FCRLB: variants seen among roughly 807,000 people sequenced by gnomAD.
FCRLB encodes Fc receptor-like B.
In FCRLB, 34 loss-of-function variants were observed where a neutral mutation model predicts 33.6. The observed-to-expected ratio is 1.01, with a 90% confidence interval of 0.77 to 1.35. The LOEUF is 1.35. FCRLB is among the 40% of genes most tolerant of loss of function. The pLI is 0.00. For missense variants in FCRLB, 560 were observed against 580.2 expected, an observed-to-expected ratio of 0.97 and a Z score of 0.36; for synonymous variants, 280 against 255.9, an observed-to-expected ratio of 1.09 and a Z score of -0.90.
In FCRLB at chr1:161,722,714, A is replaced by G. The variant is rs1327051640; in HGVS notation, c.31+11A>G. On this transcript the variant is annotated intron_variant, in intron 3 of 7. Transcript: ENST00000367948. ...CCCTTCTGCTCCTGGGTGAGTCCACAGTGAGGCAGCAGAAGAGCTTTGGGT... is the reference window on the plus strand; with the variant it reads ...CCCTTCTGCTCCTGGGTGAGTCCACGGTGAGGCAGCAGAAGAGCTTTGGGT... 6.2e-7 allele frequency: 1 copy of G among 1,613,900 alleles called. No homozygotes were observed.
chr1:161,722,536 G>A, intron 2 of FCRLB, 117 bp from the exon 3 acceptor site: 1 of 956,912 alleles, frequency 1.0e-6, no homozygotes, highest in Non-Finnish European at 1.6e-6. Context: ...GCTATCTTCA[G>A]GAACTAGGAG....
At chr1:161,722,513 C>A in intron 2 of FCRLB, 140 bp from the exon 3 acceptor site, 1 of 772,136 alleles carries the variant, frequency 1.3e-6, no homozygotes, top group Non-Finnish European at 2.2e-6. Context: ...CTGTCTCCCA[C>A]TGGTTCTGGT....
chr1:161,726,738 C>A lies in FCRLB; in HGVS notation c.610C>A (p.Pro204Thr). The A allele has an allele frequency of 6.3e-7, 1 of 1,594,250 alleles. No individual in the cohort carries two copies. Among genetic ancestry groups the A allele is most frequent in the Non-Finnish European group, 8.5e-7 (1 of 1,174,420 alleles). ...GGCGCCGGTGCTGAGGGTGATGGGT[C>A]CGCGGGAGGCCCGCGGCGCGGCGCT... The change falls in exon 7 of 8, where the codon CCG (proline) becomes ACG (threonine). Residue 204 changes from proline (P) to threonine (T), a missense_variant. Physicochemically the swap from Pro to Thr is conservative, Grantham distance 38. Transcript: ENST00000367948. This position sits in a 1 kb window ranked among gnomAD's most constrained non-coding sequence, Gnocchi z 5.2.
rs536496147 is a variant in FCRLB at position 161,727,860 on chromosome 1, C to T, written c.*198C>T. The T allele has an allele frequency of 5.5e-5, 34 of 618,172 alleles. No homozygotes were observed. The East Asian group carries it at 5.9e-4, about 11-fold the overall frequency. The allele number at this position is 618,172 out of a possible 1,614,324, so 38.3% of individuals were successfully genotyped here. A position where few individuals can be genotyped will look rare whatever the true frequency, so the allele number is the denominator to read the frequency against. On this transcript the variant is annotated 3_prime_UTR_variant, in exon 8 of 8. Transcript: ENST00000367948. ...ACCGCAAGCATTCTCTTTGAATTCT[C>T]ACAGAATTCAGCAAGAAGTAGAAAC...
Position 161,726,666 on chromosome 1 carries a change from G to T in FCRLB, c.575-37G>T, listed in dbSNP as rs754622901. 4 of 1,561,052 alleles carry T rather than the reference G, an allele frequency of 2.6e-6. No homozygotes were observed. In the African/African-American group the frequency reaches 4.1e-5, roughly 16 times the overall value. ...GAAGGAGCGGGGTCGCGGAGCGGTG[G>T]ACAAGCCGGCGCCGTTGCTCCCCGC... On this transcript the variant is annotated intron_variant, in intron 6 of 7. Transcript: ENST00000367948. The surrounding 1 kb of genome is among the most constrained non-coding windows in gnomAD (Gnocchi z 5.2).
intron 3 of FCRLB, 143 bp downstream of exon 3, chr1:161,722,846 C>T (rs1032494689): frequency 3.4e-6 from 5 of 1,483,678 alleles, no homozygotes; most frequent in Non-Finnish European, 4.6e-6. Context: ...GAAGAAGGGG[C>T]TTTCTCAGAG....
chr1:161,727,670 GC>G, exon 8 of FCRLB: 1 of 1,580,718 alleles, frequency 6.3e-7, no homozygotes, highest in Non-Finnish European at 8.6e-7. Flanking sequence ...TGAGGGGGCG[GC>G]TACCGTCCCC....
exon 8 of FCRLB, chr1:161,727,670 G>A: frequency 1.9e-6 from 3 of 1,580,718 alleles, no homozygotes; most frequent in African/African-American, 1.4e-5. Context: ...TGAGGGGGCG[G>A]CTACCGTCCC....
intron 5 of FCRLB, among the ~76,000 whole-genome samples, chr1:161,725,154 A>G (rs1226632610): frequency 1.3e-5 from 2 of 152,188 alleles, no homozygotes; most frequent in African/African-American, 4.8e-5. Flanking sequence ...GAGGACTCTG[A>G]CACCATCCTA....
chr1:161,722,547 TG>T, intron 2 of FCRLB, 105 bp from the exon 3 acceptor site: 1 of 1,024,146 alleles, frequency 9.8e-7, no homozygotes, highest in Non-Finnish European at 1.5e-6. Context: ...GAACTAGGAG[TG>T]GGTGGGAGAA....
intron 5 of FCRLB, among the ~76,000 whole-genome samples, chr1:161,724,069 A>C (rs184533092): frequency 1.2e-4 from 19 of 152,316 alleles, no homozygotes; most frequent in Non-Finnish European, 2.4e-4. Flanking sequence ...CAGTGTCCAC[A>C]TCTGTAAAGA....
intron 5 of FCRLB, among the ~76,000 whole-genome samples, chr1:161,724,450 A>T (rs1683475974): frequency 7.9e-6 from 1 of 127,052 alleles, no homozygotes; most frequent in African/African-American, 2.9e-5. Flanking sequence ...AAAAAAAAAT[A>T]GCTGGGCATG....
At chr1:161,725,252 C>G (rs1256418974) in intron 5 of FCRLB, among the ~76,000 whole-genome samples, 1 of 152,148 alleles carries the variant, frequency 6.6e-6, no homozygotes, top group Non-Finnish European at 1.5e-5. Context: ...AAGTGAAAGA[C>G]CAGCCATCCC....
At chr1:161,724,559 C>T (rs1052296414) in intron 5 of FCRLB, among the ~76,000 whole-genome samples, 5 of 152,092 alleles carry the variant, frequency 3.3e-5, no homozygotes, top group Non-Finnish European at 5.9e-5. Flanking sequence ...ATCGTGCACT[C>T]CTAGCCACAA....
chr1:161,727,416 CGCCCCGACTGCGG>C lies in FCRLB; in HGVS notation c.1037_1049del (p.Ala346GlyfsTer18). The C allele has an allele frequency of 6.2e-7, 1 of 1,613,200 alleles. No homozygotes were observed. Among genetic ancestry groups the C allele is most frequent in the African/African-American group, 1.3e-5 (1 of 75,044 alleles). On this transcript the variant is annotated frameshift_variant, in exon 8 of 8. Coordinates refer to ENST00000367948, the Ensembl canonical transcript of FCRLB. LOFTEE classifies it low-confidence loss of function (END_TRUNC). ...CCGGGCTGCAGTTCCCGGCGAGCGG[CGCCCCGACTGCGG>C]GGCCACCCGCCTGCGCTCCGCCGAC...
At chr1:161,723,122 C>T (rs1683427664) in intron 4 of FCRLB, 113 bp downstream of exon 4, 3 of 1,384,960 alleles carry the variant, frequency 2.2e-6, no homozygotes, top group Non-Finnish European at 3.1e-6. Context: ...AGTGTCTCTT[C>T]CCACTCTCGT....
chr1:161,723,644 G>A (rs373232160), intron 5 of FCRLB, 23 bp downstream of exon 5: 10 of 1,606,280 alleles, frequency 6.2e-6, no homozygotes, highest in African/African-American at 1.3e-5. Context: ...AGCACGAGGG[G>A]AGGGGGAGCA....
At chr1:161,722,946 A>C in intron 3 of FCRLB, 43 bp from the exon 4 acceptor site, 2 of 1,611,808 alleles carry the variant, frequency 1.2e-6, no homozygotes, top group Non-Finnish European at 1.7e-6. Context: ...CTCATCGCCA[A>C]TATTCTCCTT....
rs1683484806 is a variant in FCRLB, at chr1:161,724,728, C to A, written c.308-1093C>A. Among the ~76,000 whole-genome samples the A allele has an allele frequency of 2.0e-5, 3 of 152,114 alleles. No individual in the cohort carries two copies. In the South Asian group the frequency reaches 6.2e-4, roughly 31 times the overall value. On this transcript the variant is annotated intron_variant, in intron 5 of 7. Coordinates refer to ENST00000367948, the Ensembl canonical transcript of FCRLB. ...AATTACTGCTTACAGATTGGGAGTGCATGTGGATTGTGGCTATTACTTGCA... is the reference window on the plus strand; with the variant it reads ...AATTACTGCTTACAGATTGGGAGTGAATGTGGATTGTGGCTATTACTTGCA...
Sources: gnomAD v4.1 joint callset for allele counts (sites outside exome capture counted in the v4.1 genomes callset) on GRCh38, gnomAD v4.1.1 for gene constraint, Gnocchi (gnomAD v3.1) non-coding constraint, MANE v1.5 for transcripts, NCBI Gene and HGNC (gene_info 2026-07-23, HGNC 2026-07-21) for gene names.